ST6GALNAC3: variants seen among roughly 807,000 people sequenced by gnomAD.
The protein encoded by ST6GALNAC3 is alpha-N-acetylgalactosaminide alpha-2,6-sialyltransferase 3.
Under a neutral mutation model 32.7 loss-of-function variants are expected in ST6GALNAC3, and 25 were observed. The observed-to-expected ratio is 0.76, with a 90% CI of 0.56 to 1.07. The LOEUF is 1.07. Among genes scored for constraint, ST6GALNAC3 ranks in the 50% least tolerant of loss-of-function variants. ST6GALNAC3 has a pLI of 0.00. For synonymous variants in ST6GALNAC3, 129 were observed against 133.1 expected, an observed-to-expected ratio of 0.97 and a Z score of 0.21; for missense variants, 355 against 382.4, an observed-to-expected ratio of 0.93 and a Z score of 0.60.
At chr1:76,459,954 G>A (rs889532057) in intron 3 of ST6GALNAC3, among the ~76,000 whole-genome samples, 4 of 152,084 alleles carry the variant, frequency 2.6e-5, no homozygotes, top group African/African-American at 9.7e-5. Flanking sequence ...GCATATTCTT[G>A]TACAGGTGTT....
chr1:76,514,173 T>A (rs1162110727), intron 3 of ST6GALNAC3, among the ~76,000 whole-genome samples: 1 of 152,210 alleles, frequency 6.6e-6, no homozygotes, highest in Admixed American at 6.5e-5. Context: ...CTAGTTGCTC[T>A]GGCAAGCACA....
At chr1:76,362,220 C>G (rs947564903) in intron 2 of ST6GALNAC3, among the ~76,000 whole-genome samples, 2 of 152,012 alleles carry the variant, frequency 1.3e-5, no homozygotes, top group Non-Finnish European at 2.9e-5. Flanking sequence ...TTTAAACAAC[C>G]GGATCTCTTG....
intron 2 of ST6GALNAC3, among the ~76,000 whole-genome samples, chr1:76,399,780 CCA>C (rs1157383204): frequency 6.6e-6 from 1 of 152,132 alleles, no homozygotes; most frequent in African/African-American, 2.4e-5. Context: ...GTTATTTTCT[CCA>C]CAGAGGTCTT....
At chr1:76,356,048 A>G (rs572330317) in intron 2 of ST6GALNAC3, among the ~76,000 whole-genome samples, 123 of 152,314 alleles carry the variant, frequency 8.1e-4, no homozygotes, top group South Asian at 4.3e-3. Context: ...ACATTACATT[A>G]ACTATAATGT....
At chr1:76,342,169 T>C (rs1332735731) in intron 2 of ST6GALNAC3, among the ~76,000 whole-genome samples, 1 of 152,190 alleles carries the variant, frequency 6.6e-6, no homozygotes, top group African/African-American at 2.4e-5. Context: ...GCAATAAACA[T>C]ACGTGTGTAT....
chr1:76,323,585 A>C (rs1647010478), intron 2 of ST6GALNAC3, among the ~76,000 whole-genome samples: 1 of 152,208 alleles, frequency 6.6e-6, no homozygotes, highest in South Asian at 2.1e-4. Flanking sequence ...TACTACATGC[A>C]ACGCACTGTG....
chr1:76,160,748 G>C (rs1402810095), intron 1 of ST6GALNAC3, among the ~76,000 whole-genome samples: 1 of 152,186 alleles, frequency 6.6e-6, no homozygotes, highest in African/African-American at 2.4e-5. Flanking sequence ...AGTGTGCTTA[G>C]TGACAAAGTT....
intron 3 of ST6GALNAC3, among the ~76,000 whole-genome samples, chr1:76,602,888 A>C (rs1297693270): frequency 6.6e-6 from 1 of 152,134 alleles, no homozygotes; most frequent in Non-Finnish European, 1.5e-5. Context: ...AAATTAAAGA[A>C]AAGACAAACG....
intron 3 of ST6GALNAC3, among the ~76,000 whole-genome samples, chr1:76,584,555 T>C (rs1397905600): frequency 6.6e-6 from 1 of 152,234 alleles, no homozygotes; most frequent in African/African-American, 2.4e-5. Flanking sequence ...AATATTTTTG[T>C]TCAGGATGCA....
rs934375495 is a variant in ST6GALNAC3 at position 76,630,408 on chromosome 1, A to G, written c.*1602A>G. 1.0e-6 allele frequency: 1 copy of G among 985,128 alleles called. No individual in the cohort carries two copies. The highest frequency in any genetic ancestry group is 1.7e-5 in the African/African-American group (1 of 57,202). 61.0% of individuals were successfully genotyped at this position (985,128 alleles called of 1,614,324 possible). ...GGAGGAAATGAAGGCAGAGAAATAT[A>G]GTTTCCTTTCCTAGGATTGAGACAA... On this transcript the variant is annotated 3_prime_UTR_variant, in exon 5 of 5. Transcript: ENST00000328299.
At chr1:76,326,868 A>G (rs1298590819) in intron 2 of ST6GALNAC3, among the ~76,000 whole-genome samples, 2 of 141,704 alleles carry the variant, frequency 1.4e-5, no homozygotes, top group Non-Finnish European at 3.1e-5. Context: ...TGCAATCTCA[A>G]TGTTTTTAAA....
chr1:76,222,735 G>A (rs1353203830), intron 1 of ST6GALNAC3, among the ~76,000 whole-genome samples: 1 of 152,088 alleles, frequency 6.6e-6, no homozygotes, highest in African/African-American at 2.4e-5. Context: ...TAGAAAGTGA[G>A]CAAAGGACAT....
At chr1:76,158,853 A>G (rs893204938) in intron 1 of ST6GALNAC3, among the ~76,000 whole-genome samples, 6 of 152,182 alleles carry the variant, frequency 3.9e-5, no homozygotes, top group Non-Finnish European at 7.3e-5. Flanking sequence ...TCTCCTTGAC[A>G]ATTGGGTGGA....
At position 76,247,008 on chromosome 1, in the gene ST6GALNAC3, G is replaced by C. The variant is rs149313163; in HGVS notation, c.19-66797G>C. Among the ~76,000 whole-genome samples, 1,054 of 152,216 alleles carry C rather than the reference G, an allele frequency of 6.9e-3. 16 individuals carry two copies. Among genetic ancestry groups the C allele is most frequent in the African/African-American group, 0.024 (1,001 of 41,520 alleles). On this transcript the variant is annotated intron_variant, in intron 1 of 4. Coordinates refer to ENST00000328299, the MANE Select transcript of ST6GALNAC3 (RefSeq NM_152996.4). ...TTTTTGTGTGGGGGTCTTTTTTGTT[G>C]ATGTTGTTGTTGCTTTCTGTTTGTT...
intron 1 of ST6GALNAC3, among the ~76,000 whole-genome samples, chr1:76,228,307 G>C (rs1656186193): frequency 6.6e-6 from 1 of 152,186 alleles, no homozygotes; most frequent in African/African-American, 2.4e-5. Flanking sequence ...TGCCACTAAA[G>C]TGTAGCTTTC....
chr1:76,521,895 C>T (rs1662561843), intron 3 of ST6GALNAC3, among the ~76,000 whole-genome samples: 1 of 151,938 alleles, frequency 6.6e-6, no homozygotes, highest in Admixed American at 6.6e-5. Flanking sequence ...ACGGTGAAAC[C>T]CCGTCTCTAC....
rs114121737 is a variant in ST6GALNAC3, at chr1:76,352,564, C to A, written c.213+38565C>A. ...TTGCTGGAGTGCTAAAGAGCTTGAG[C>A]TCTTTTTCTTCTCTATCTGCATTTT... On this transcript the variant is annotated intron_variant, in intron 2 of 4. Coordinates refer to ENST00000328299, the MANE Select transcript of ST6GALNAC3 (RefSeq NM_152996.4). Among the ~76,000 whole-genome samples, 457 of 140,876 alleles carry A rather than the reference C, an allele frequency of 3.2e-3. 3 individuals carry two copies. Among genetic ancestry groups the A allele is most frequent in the African/African-American group, 0.011 (417 of 37,812 alleles). 92.4% of individuals were successfully genotyped at this position (140,876 alleles called of 152,430 possible). A position where few individuals can be genotyped will look rare whatever the true frequency, so the allele number is the denominator to read the frequency against.
intron 2 of ST6GALNAC3, among the ~76,000 whole-genome samples, chr1:76,325,226 G>A (rs1647045787): frequency 6.6e-6 from 1 of 152,334 alleles, no homozygotes; most frequent in Non-Finnish European, 1.5e-5. Flanking sequence ...GGATGTATAA[G>A]ATACATGCAT....
chr1:76,608,629 GTGTGTGTGTGTGT>G (rs1647719755), intron 3 of ST6GALNAC3, among the ~76,000 whole-genome samples: 1 of 151,400 alleles, frequency 6.6e-6, no homozygotes, highest in African/African-American at 2.4e-5. Flanking sequence ...GTGTGTGTGT[GTGTGTGTGTGTGT>G]GTGTACCTGG....
Sources: gnomAD v4.1 joint callset for allele counts (sites outside exome capture counted in the v4.1 genomes callset) on GRCh38, gnomAD v4.1.1 for gene constraint, MANE v1.5 for transcripts, NCBI Gene and HGNC (gene_info 2026-07-23, HGNC 2026-07-21) for gene names.